Variants in MAU2 observed in about 807,000 individuals in gnomAD.
The protein encoded by MAU2 is MAU2 chromatid cohesion factor homolog.
Under a neutral mutation model 89.1 loss-of-function variants are expected in MAU2, and 9 were observed. The ratio of observed to expected loss-of-function variants is 0.10; its 90% CI spans 0.06 to 0.18. The LOEUF is 0.18. Ranked by LOEUF, MAU2 falls within the 10% of genes least tolerant of loss-of-function variation. MAU2 has a pLI of 1.00. For synonymous variants in MAU2, 357 were observed against 343.4 expected (o/e 1.04, Z -0.44); for missense variants, 425 against 803.5 (o/e 0.53, Z 5.69).
intron 7 of MAU2, among the ~76,000 whole-genome samples, chr19:19,342,155 T>C (rs945147510): frequency 5.3e-5 from 8 of 152,138 alleles, no homozygotes; most frequent in Non-Finnish European, 8.8e-5. Context: ...CCACAGCGCC[T>C]GCCTGATTCC....
At chr19:19,355,595 A>T in intron 18 of MAU2, 113 bp from the exon 19 acceptor site, 1 of 1,217,372 alleles carries the variant, frequency 8.2e-7, no homozygotes, top group Non-Finnish European at 1.2e-6. Flanking sequence ...GGACTGGGGC[A>T]TGGAGAACAG....
intron 7 of MAU2, among the ~76,000 whole-genome samples, chr19:19,341,801 A>G (rs773341647): frequency 6.6e-6 from 1 of 152,050 alleles, no homozygotes; most frequent in Non-Finnish European, 1.5e-5. Flanking sequence ...TTGAGTAGGG[A>G]CTGATGTGCT....
chr19:19,327,519 G>T (rs575207699), intron 1 of MAU2, among the ~76,000 whole-genome samples: 49 of 151,910 alleles, frequency 3.2e-4, no homozygotes, highest in African/African-American at 9.4e-4. Flanking sequence ...TAGAGACGGG[G>T]TTTCACCGTG....
chr19:19,336,427 G>C (rs2061597521), intron 3 of MAU2, among the ~76,000 whole-genome samples: 1 of 151,850 alleles, frequency 6.6e-6, no homozygotes, highest in Non-Finnish European at 1.5e-5. Flanking sequence ...AGCCTCCCGA[G>C]CAGCTGGGAC....
chr19:19,344,749 G>A, intron 10 of MAU2, 100 bp from the exon 11 acceptor site: 3 of 946,490 alleles, frequency 3.2e-6, no homozygotes, highest in Non-Finnish European at 5.0e-6. Flanking sequence ...GGTCAGACAG[G>A]ACATGGGCTC....
rs1446135184 is a variant in MAU2 at position 19,357,707 on chromosome 19, A to G, written c.*1925A>G. 1.3e-5 allele frequency: 2 copies of G among 152,372 alleles called. No individual in the cohort carries two copies. The highest frequency in any genetic ancestry group is 3.8e-4 in the East Asian group (2 of 5,198). 9.4% of individuals were successfully genotyped at this position (152,372 alleles called of 1,614,324 possible). On this transcript the variant is annotated 3_prime_UTR_variant, in exon 19 of 19. Coordinates refer to ENST00000262815, the MANE Select transcript of MAU2 (RefSeq NM_015329.4). ...ACCACCCTGTTATCTATGTATATGT[A>G]AAGTTAAGGATGAGATCTTAAGTTT...
chr19:19,355,419 A>T, intron 18 of MAU2, 28 bp downstream of exon 18: 1 of 1,612,674 alleles, frequency 6.2e-7, no homozygotes. Flanking sequence ...AGGGGACGGG[A>T]TCAGGACTAG....
intron 9 of MAU2, among the ~76,000 whole-genome samples, chr19:19,343,104 C>T (rs1347858640): frequency 6.6e-6 from 1 of 152,202 alleles, no homozygotes; most frequent in African/African-American, 2.4e-5. Flanking sequence ...CCCAGTCATG[C>T]TCAGTTGAAA....
chr19:19,353,390 G>A (rs1306326307), intron 16 of MAU2: 1 of 152,174 alleles, frequency 6.6e-6, no homozygotes, highest in Non-Finnish European at 1.5e-5. Context: ...GTTTCAAAAG[G>A]GCTTGGTGAA....
At chr19:19,340,773 CT>C (rs1458407631) in intron 5 of MAU2, 72 bp from the exon 6 acceptor site, 3 of 1,557,178 alleles carry the variant, frequency 1.9e-6, no homozygotes, top group Non-Finnish European at 2.6e-6. Context: ...TCCTGTGAGC[CT>C]TGGGGTAATC....
chr19:19,338,151 A>C (rs1334287968), intron 4 of MAU2, among the ~76,000 whole-genome samples: 2 of 152,192 alleles, frequency 1.3e-5, no homozygotes, highest in East Asian at 3.9e-4. Context: ...AAAAGTACGC[A>C]CAGGGAAGAG....
intron 1 of MAU2, among the ~76,000 whole-genome samples, chr19:19,322,331 GC>G (rs2061467235): frequency 6.6e-6 from 1 of 152,196 alleles, no homozygotes; most frequent in Non-Finnish European, 1.5e-5. Context: ...AGGCTCAGTG[GC>G]TTATGTCTGT....
chr19:19,349,100 T>A, intron 14 of MAU2, 55 bp from the exon 15 acceptor site: 2 of 1,607,106 alleles, frequency 1.2e-6, no homozygotes, highest in South Asian at 2.2e-5. Flanking sequence ...ACTGCCGTTT[T>A]GTAAACCTGC....
At chr19:19,344,257 T>G (rs996886514) in intron 10 of MAU2, 1 of 316,182 alleles carries the variant, frequency 3.2e-6, no homozygotes, top group Non-Finnish European at 6.1e-6. Flanking sequence ...ACTAAAAATA[T>G]AAAAATTAGC....
chr19:19,350,840 C>T (rs1394479925), intron 16 of MAU2, among the ~76,000 whole-genome samples: 2 of 150,620 alleles, frequency 1.3e-5, no homozygotes, highest in African/African-American at 4.9e-5. Flanking sequence ...GCGGAGCTTG[C>T]AGTGAGCCGA....
intron 1 of MAU2, 89 bp downstream of exon 1, chr19:19,321,224 G>T: frequency 7.3e-7 from 1 of 1,361,864 alleles, no homozygotes; most frequent in East Asian, 2.9e-5. Context: ...GTGGGGGGCC[G>T]CTCCTCGGCG....
At chr19:19,347,462 A>T in intron 13 of MAU2, 96 bp downstream of exon 13, 1 of 926,022 alleles carries the variant, frequency 1.1e-6, no homozygotes, top group Non-Finnish European at 1.7e-6. Context: ...ATCTCAGCAG[A>T]CCCCAGGGTG....
intron 1 of MAU2, among the ~76,000 whole-genome samples, chr19:19,323,139 G>A (rs1425157477): frequency 3.3e-5 from 5 of 151,748 alleles, no homozygotes; most frequent in Admixed American, 2.6e-4. Context: ...CACTCCCCTC[G>A]GCCTCCCAAA....
At chr19:19,344,493 T>G in intron 10 of MAU2, 4 of 343,320 alleles carry the variant, frequency 1.2e-5, no homozygotes, top group Non-Finnish European at 1.6e-5. Flanking sequence ...TCTCTGGGGA[T>G]TTGGGGGGTC....
Sources: gnomAD v4.1 joint callset for allele counts (sites outside exome capture counted in the v4.1 genomes callset) on GRCh38, gnomAD v4.1.1 for gene constraint, MANE v1.5 for transcripts, NCBI Gene and HGNC (gene_info 2026-07-23, HGNC 2026-07-21) for gene names.